ALB: variants seen among roughly 807,000 people sequenced by gnomAD.
The protein encoded by ALB is albumin.
A neutral mutation model predicts 74.5 loss-of-function variants in ALB; 37 were observed. That is an observed-to-expected ratio of 0.50 (90% confidence interval 0.38 to 0.65). ALB has a LOEUF of 0.65. Among genes scored for constraint, ALB ranks in the 30% least tolerant of loss-of-function variants. The pLI, the probability that ALB is intolerant of heterozygous loss-of-function variation, is 0.00. For synonymous variants in ALB, 249 were observed against 251.6 expected, an observed-to-expected ratio of 0.99 and a Z score of 0.10; for missense variants, 685 against 718.7, an observed-to-expected ratio of 0.95 and a Z score of 0.54.
At chr4:73,418,413 A>C (rs754044030) in intron 12 of ALB, 102 bp downstream of exon 12, 17 of 1,053,180 alleles carry the variant, frequency 1.6e-5, no homozygotes, top group Non-Finnish European at 2.4e-5. Context: ...TATTTCTTAG[A>C]GGAAAGTATT....
chr4:73,409,953 T>C (rs142769563), intron 5 of ALB, among the ~76,000 whole-genome samples: 1 of 152,194 alleles, frequency 6.6e-6, no homozygotes, highest in African/African-American at 2.4e-5. Flanking sequence ...TTTACTGATG[T>C]TGGTGGAGGA....
Position 73,420,264 on chromosome 4 carries a change from T to A in ALB, c.1796T>A (p.Leu599His). The change falls in exon 14 of 15, where the codon CTT becomes CAT. Residue 599 changes from leucine to histidine, a missense_variant. Leu to His is a moderately conservative substitution (Grantham distance 99, BLOSUM62 -3). Transcript: ENST00000295897. ...ETCFAEEGKK[L>H]VAASQAALGL ...TGTCTTTGTGTTCAGGGTAAAAAAC[T>A]TGTTGCTGCAAGTCAAGCTGCCTTA... is the stretch of plus-strand genomic sequence containing the variant. 1 of 1,612,994 alleles carries A rather than the reference T, an allele frequency of 6.2e-7. No individual in the cohort carries two copies. Among genetic ancestry groups the A allele is most frequent in the Non-Finnish European group, 8.5e-7 (1 of 1,179,248 alleles).
In ALB at chr4:73,415,134, C is replaced by T. The variant is rs201407867; in HGVS notation, c.1158C>T (p.Ala386=). Reference sequence around the variant, plus strand: ...AAACCACTCTAGAGAAGTGCTGTGCCGCTGCAGATCCTCATGAATGCTATG... The same window carrying T: ...AAACCACTCTAGAGAAGTGCTGTGCTGCTGCAGATCCTCATGAATGCTATG... ...TYETTLEKCC[A]AADPHECYAK... Residue 386 remains alanine (A), a synonymous_variant, in exon 9 of 15, where the codon GCC becomes GCT. Transcript: ENST00000295897. 44 of 1,614,026 alleles carry T rather than the reference C, an allele frequency of 2.7e-5. No homozygotes were observed. The highest frequency in any genetic ancestry group is 5.5e-5 in the South Asian group (5 of 91,074).
rs267600248 is a variant in ALB at position 73,410,324 on chromosome 4, C to T, written c.628C>T (p.Arg210Trp). 17 of 1,613,422 alleles carry T rather than the reference C, an allele frequency of 1.1e-5. No individual in the cohort carries two copies. The African/African-American group carries it at 1.1e-4, about 10-fold the overall frequency. ...ACLLPKLDELRDEGKASSAKQ... is the reference protein window; with the variant it reads ...ACLLPKLDELWDEGKASSAKQ... ...TTCCTTTTTGTAGCTCGATGAACTT[C>T]GGGATGAAGGGAAGGCTTCGTCTGC... Residue 210 changes from arginine (R) to tryptophan (W), a missense_variant, in exon 6 of 15, where the codon CGG (arginine) becomes TGG (tryptophan). Physicochemically the swap from Arg to Trp is moderately radical, Grantham distance 101. Transcript: ENST00000295897.
intron 8 of ALB, 113 bp from the exon 9 acceptor site, chr4:73,414,922 G>A: frequency 7.5e-7 from 1 of 1,337,836 alleles, no homozygotes; most frequent in Admixed American, 1.7e-5. Context: ...TTTACTGCAT[G>A]GGGTTTAGTC....
At chr4:73,416,429 T>C (rs1213923109) in intron 10 of ALB, 76 bp downstream of exon 10, 9 of 1,045,812 alleles carry the variant, frequency 8.6e-6, no homozygotes, top group African/African-American at 1.6e-5. Context: ...CCACCTAGCA[T>C]AGAACTTTTA....
At chr4:73,418,379 A>C (rs572537720) in intron 12 of ALB, 68 bp downstream of exon 12, 2 of 1,402,194 alleles carry the variant, frequency 1.4e-6, no homozygotes, top group African/African-American at 2.8e-5. Context: ...TCAAGCTAGC[A>C]ACTTTTTCCT....
chr4:73,407,134 T>C (rs888381687), intron 3 of ALB, among the ~76,000 whole-genome samples: 5 of 149,726 alleles, frequency 3.3e-5, no homozygotes, highest in African/African-American at 1.2e-4. Context: ...GTAAGAACCC[T>C]TAACATGAGA....
chr4:73,404,780 A>C (rs996291285), intron 1 of ALB: 1 of 347,198 alleles, frequency 2.9e-6, no homozygotes, highest in African/African-American at 2.1e-5. Context: ...GATCTCATAA[A>C]TAGAACTTGT....
rs531095851 is a variant in ALB, at chr4:73,410,307, T to C, written c.616-5T>C. ...TAATTTTCATCAAATTATTCCTTTTTGTAGCTCGATGAACTTCGGGATGAA... is the reference window on the plus strand; with the variant it reads ...TAATTTTCATCAAATTATTCCTTTTCGTAGCTCGATGAACTTCGGGATGAA... On this transcript the variant is annotated splice_region_variant and splice_polypyrimidine_tract_variant and intron_variant, in intron 5 of 14. Coordinates refer to ENST00000295897, the MANE Select transcript of ALB (RefSeq NM_000477.7). 2 of 1,612,014 alleles carry C rather than the reference T, an allele frequency of 1.2e-6. No individual in the cohort carries two copies. The highest frequency in any genetic ancestry group is 4.5e-5 in the East Asian group (2 of 44,866).
At chr4:73,404,585 TAA>T (rs374771640) in intron 1 of ALB, among the ~76,000 whole-genome samples, 179 bp downstream of exon 1, 7 of 138,582 alleles carry the variant, frequency 5.1e-5, no homozygotes, top group African/African-American at 7.9e-5. Context: ...ACATCCTAGG[TAA>T]AAAAAAAAAA....
chr4:73,410,873 C>A (rs938670708), intron 6 of ALB, among the ~76,000 whole-genome samples: 2 of 151,912 alleles, frequency 1.3e-5, no homozygotes, highest in Non-Finnish European at 2.9e-5. Context: ...ATTTTATCTT[C>A]CCCCCAATGA....
chr4:73,417,398 T>A, intron 10 of ALB, 133 bp from the exon 11 acceptor site: 1 of 1,194,642 alleles, frequency 8.4e-7, no homozygotes, highest in South Asian at 1.3e-5. Flanking sequence ...AACCCACTAC[T>A]CTGCAGATGG....
chr4:73,405,345 C>T (rs1205399052), intron 2 of ALB, among the ~76,000 whole-genome samples, 172 bp downstream of exon 2: 1 of 152,138 alleles, frequency 6.6e-6, no homozygotes, highest in African/African-American at 2.4e-5. Flanking sequence ...ATAAGGTAGT[C>T]ACTGGTCACA....
chr4:73,420,551 A>G (rs1577943197), intron 14 of ALB, among the ~76,000 whole-genome samples: 1 of 152,220 alleles, frequency 6.6e-6, no homozygotes, highest in South Asian at 2.1e-4. Flanking sequence ...GCATAGATTA[A>G]GTAATTTTCC....
intron 5 of ALB, among the ~76,000 whole-genome samples, chr4:73,410,044 CTT>C (rs1252452935): frequency 1.1e-4 from 16 of 152,154 alleles, no homozygotes; most frequent in African/African-American, 3.9e-4. Context: ...CTTTCTCTGA[CTT>C]TTCTCCCACT....
In ALB at chr4:73,419,623, C is replaced by A; in HGVS notation, c.1769C>A (p.Thr590Asn). The A allele has an allele frequency of 1.2e-6, 2 of 1,613,968 alleles. No homozygotes were observed. The highest frequency in any genetic ancestry group is 1.7e-6 in the Non-Finnish European group (2 of 1,179,938). The part of the protein sequence containing the change: ...EKCCKADDKE[T>N]CFAEEGKKLV... ...TGCTGCAAGGCTGACGATAAGGAGA[C>A]CTGCTTTGCCGAGGAGGTACTACAG... The change falls in exon 13 of 15, where the codon ACC becomes AAC. Residue 590 changes from threonine to asparagine, a missense_variant. Physicochemically the swap from Thr to Asn is moderately conservative, Grantham distance 65. Transcript: ENST00000295897.
At chr4:73,417,915 C>T (rs1719055626) in intron 11 of ALB, 173 bp from the exon 12 acceptor site, 1 of 727,010 alleles carries the variant, frequency 1.4e-6, no homozygotes, top group Non-Finnish European at 2.3e-6. Context: ...GTGGTGCCAT[C>T]TCGGCTCACT....
intron 12 of ALB, among the ~76,000 whole-genome samples, chr4:73,418,566 C>T (rs1471025028): frequency 2.0e-5 from 3 of 152,002 alleles, no homozygotes; most frequent in African/African-American, 7.2e-5. Flanking sequence ...ACATGTTAGG[C>T]CATATTCAGT....
Sources: gnomAD v4.1 joint callset for allele counts (sites outside exome capture counted in the v4.1 genomes callset) on GRCh38, gnomAD v4.1.1 for gene constraint, MANE v1.5 for transcripts, NCBI Gene and HGNC (gene_info 2026-07-23, HGNC 2026-07-21) for gene names.